Variants in SHISA6 observed in about 807,000 individuals in gnomAD.
The protein encoded by SHISA6 is protein shisa-6.
In SHISA6, 22 loss-of-function variants were observed where a neutral mutation model predicts 47.9. The observed-to-expected ratio is 0.46, with a 90% CI of 0.33 to 0.66. SHISA6 has a LOEUF of 0.66. Ranked by LOEUF, SHISA6 falls within the 30% of genes least tolerant of loss-of-function variation. The probability of loss-of-function intolerance (pLI) is 0.02; values close to 1 mark genes in which losing one functional copy is unlikely to be tolerated. For synonymous variants in SHISA6, 388 were observed against 337.8 expected, an observed-to-expected ratio of 1.15 and a Z score of -1.63; for missense variants, 680 against 764.6, an observed-to-expected ratio of 0.89 and a Z score of 1.30.
intron 3 of SHISA6, among the ~76,000 whole-genome samples, chr17:11,387,312 A>G (rs1189287965): frequency 6.6e-6 from 1 of 152,096 alleles, no homozygotes; most frequent in Non-Finnish European, 1.5e-5. Flanking sequence ...GCTAAATGCT[A>G]AAAAAGGGGT....
chr17:11,548,321 T>G (rs1461618004), intron 3 of SHISA6, among the ~76,000 whole-genome samples: 1 of 152,232 alleles, frequency 6.6e-6, no homozygotes, highest in Non-Finnish European at 1.5e-5. Context: ...CATGCTATAC[T>G]GTTTCAAAGC....
intron 5 of SHISA6, 117 bp from the exon 6 acceptor site, chr17:11,557,637 T>G: frequency 1.0e-6 from 1 of 1,000,746 alleles, no homozygotes; most frequent in Non-Finnish European, 1.4e-6. Flanking sequence ...AGTTTGACTG[T>G]ATTATCCCTT....
intron 1 of SHISA6, among the ~76,000 whole-genome samples, chr17:11,253,889 A>G (rs548585505): frequency 1.3e-5 from 2 of 152,094 alleles, no homozygotes; most frequent in African/African-American, 4.8e-5. Context: ...ATCTGGAGGC[A>G]GACTTTGGAA....
At chr17:11,437,271 T>C (rs1412627403) in intron 3 of SHISA6, among the ~76,000 whole-genome samples, 2 of 152,142 alleles carry the variant, frequency 1.3e-5, no homozygotes, top group African/African-American at 4.8e-5. Context: ...GACCATTCAC[T>C]TTCAGACTTC....
intron 2 of SHISA6, among the ~76,000 whole-genome samples, chr17:11,343,583 G>A (rs994525870): frequency 1.3e-5 from 2 of 152,192 alleles, no homozygotes; most frequent in South Asian, 2.1e-4. Flanking sequence ...ACTGGGGGGC[G>A]TTGATCCCCT....
chr17:11,497,127 G>C (rs945354573), intron 3 of SHISA6, among the ~76,000 whole-genome samples: 5 of 152,194 alleles, frequency 3.3e-5, no homozygotes, highest in Non-Finnish European at 7.3e-5. Flanking sequence ...AGCTCTGCTA[G>C]GAGACACCCT....
chr17:11,343,576 G>C (rs1320256456), intron 2 of SHISA6, among the ~76,000 whole-genome samples: 1 of 152,298 alleles, frequency 6.6e-6, no homozygotes, highest in Non-Finnish European at 1.5e-5. Context: ...ATGCTGAACT[G>C]GGGGGCGTTG....
chr17:11,371,247 C>A (rs1022234692), intron 2 of SHISA6, among the ~76,000 whole-genome samples: 2 of 152,194 alleles, frequency 1.3e-5, no homozygotes, highest in Non-Finnish European at 2.9e-5. Context: ...GAGCACAGGT[C>A]TCCTGGCTCC....
At chr17:11,451,105 G>A (rs1915388554) in intron 3 of SHISA6, among the ~76,000 whole-genome samples, 1 of 151,848 alleles carries the variant, frequency 6.6e-6, no homozygotes, top group Non-Finnish European at 1.5e-5. Flanking sequence ...GCTGGGAAAT[G>A]AGGAAGCTGA....
intron 3 of SHISA6, among the ~76,000 whole-genome samples, chr17:11,464,856 T>G (rs1454163017): frequency 6.6e-6 from 1 of 151,520 alleles, no homozygotes; most frequent in Non-Finnish European, 1.5e-5. Flanking sequence ...GCAGAAGAAT[T>G]GCTTGAACCC....
Position 11,470,774 on chromosome 17 carries a change from A to T in SHISA6, c.896-81122A>T, listed in dbSNP as rs116586338. Among the ~76,000 whole-genome samples, 260 of 150,950 alleles carry T rather than the reference A, an allele frequency of 1.7e-3. 1 individual carries two copies. The highest frequency in any genetic ancestry group is 6.1e-3 in the African/African-American group (251 of 40,950). ...TCATTTTGCCCTGACAAATGTGTGC[A>T]GCATCATCTCCTATCACTGTCTCCT... On this transcript the variant is annotated intron_variant, in intron 3 of 5. Coordinates refer to ENST00000441885, the MANE Select transcript of SHISA6 (RefSeq NM_207386.4).
intron 3 of SHISA6, among the ~76,000 whole-genome samples, chr17:11,430,221 G>A (rs1216140594): frequency 6.6e-6 from 1 of 152,114 alleles, no homozygotes; most frequent in Non-Finnish European, 1.5e-5. Flanking sequence ...GAACGTTTCT[G>A]GTTCTCCCCA....
chr17:11,314,541 T>TTG (rs1404732720), intron 2 of SHISA6, among the ~76,000 whole-genome samples: 2 of 150,536 alleles, frequency 1.3e-5, no homozygotes, highest in African/African-American at 4.9e-5. Flanking sequence ...TTTTTTGTTT[T>TTG]TTTTTTTTTT....
At chr17:11,273,582 G>T (rs1349029622) in intron 2 of SHISA6, among the ~76,000 whole-genome samples, 1 of 152,240 alleles carries the variant, frequency 6.6e-6, no homozygotes, top group Non-Finnish European at 1.5e-5. Context: ...TACTTTTCGT[G>T]TGTCATAATA....
intron 3 of SHISA6, among the ~76,000 whole-genome samples, chr17:11,410,891 C>A (rs552969175): frequency 1.6e-4 from 24 of 152,186 alleles, no homozygotes; most frequent in Admixed American, 3.3e-4. Flanking sequence ...GAGCTCAGAA[C>A]ACTGGTCTAG....
At chr17:11,378,658 C>T (rs1380444907) in intron 2 of SHISA6, among the ~76,000 whole-genome samples, 2 of 152,202 alleles carry the variant, frequency 1.3e-5, no homozygotes, top group Admixed American at 6.5e-5. Context: ...TTTCTATCCA[C>T]AATCCTAACC....
intron 3 of SHISA6, among the ~76,000 whole-genome samples, chr17:11,533,554 G>T (rs1285551741): frequency 6.8e-6 from 1 of 146,756 alleles, no homozygotes. Context: ...CTGCATTCAA[G>T]ATTTACTTTC....
chr17:11,456,660 G>A (rs1189184560), intron 3 of SHISA6, among the ~76,000 whole-genome samples: 1 of 152,170 alleles, frequency 6.6e-6, no homozygotes, highest in Non-Finnish European at 1.5e-5. Context: ...CCACGCTGTC[G>A]GAGGTGGGAG....
At chr17:11,470,539 A>G (rs1188724067) in intron 3 of SHISA6, among the ~76,000 whole-genome samples, 1 of 152,256 alleles carries the variant, frequency 6.6e-6, no homozygotes, top group Non-Finnish European at 1.5e-5. Context: ...TGCAAGTATG[A>G]TGACACATAC....
Sources: allele counts gnomAD v4.1 joint callset (sites outside exome capture counted in the v4.1 genomes callset), GRCh38; gene constraint gnomAD v4.1.1; transcripts MANE v1.5; gene names NCBI Gene and HGNC (gene_info 2026-07-23, HGNC 2026-07-21).